GPAM: variants seen among roughly 807,000 people sequenced by gnomAD.
GPAM encodes the protein glycerol-3-phosphate acyltransferase 1, mitochondrial.
A neutral mutation model predicts 105.0 loss-of-function variants in GPAM; 56 were observed. The observed-to-expected ratio is 0.53, with a 90% CI of 0.43 to 0.67. The LOEUF (loss-of-function observed/expected upper bound fraction) is 0.67. Ranked by LOEUF, GPAM falls within the 30% of genes least tolerant of loss-of-function variation. The pLI is 0.00. For missense variants in GPAM, 855 were observed against 989.8 expected (o/e 0.86, Z 1.83); for synonymous variants, 368 against 354.4 (o/e 1.04, Z -0.43).
intron 1 of GPAM, among the ~76,000 whole-genome samples, chr10:112,191,147 AG>A (rs1376056632): frequency 6.6e-6 from 1 of 152,248 alleles, no homozygotes; most frequent in Non-Finnish European, 1.5e-5. Flanking sequence ...AGTTATAACA[AG>A]ACATAGTGTT....
intron 1 of GPAM, among the ~76,000 whole-genome samples, chr10:112,210,709 G>A (rs547395065): frequency 1.3e-5 from 2 of 152,134 alleles, no homozygotes; most frequent in African/African-American, 4.8e-5. Context: ...TCCTTTCATC[G>A]CCCTCTGCAA....
intron 11 of GPAM, among the ~76,000 whole-genome samples, chr10:112,166,741 A>G (rs1360285837): frequency 6.6e-6 from 1 of 152,236 alleles, no homozygotes; most frequent in African/African-American, 2.4e-5. Context: ...AGTCAATGAA[A>G]AACAAAACAT....
chr10:112,217,147 C>T (rs1001721958), upstream of GPAM, among the ~76,000 whole-genome samples: 1 of 152,254 alleles, frequency 6.6e-6, no homozygotes, highest in South Asian at 2.1e-4. Context: ...TTCCCATTAA[C>T]GATCACCCGC....
intron 17 of GPAM, among the ~76,000 whole-genome samples, chr10:112,159,063 G>A (rs532817240): frequency 6.6e-6 from 1 of 152,252 alleles, no homozygotes; most frequent in African/African-American, 2.4e-5. Context: ...TCTACATGTT[G>A]ATGACTTTGA....
intron 1 of GPAM, among the ~76,000 whole-genome samples, chr10:112,189,192 T>G (rs185866313): frequency 2.0e-5 from 3 of 152,344 alleles, no homozygotes; most frequent in Non-Finnish European, 4.4e-5. Flanking sequence ...AGGAAGTAGT[T>G]TGGCATGAAT....
chr10:112,172,235 G>A lies in GPAM; in HGVS notation c.741C>T (p.Asn247=), dbSNP rs1589591006. Residue 247 remains asparagine (N), a synonymous_variant, in exon 9 of 22, where the codon AAC becomes AAT. Transcript: ENST00000348367. Reference sequence around the variant, plus strand: ...CTGAAGCAATGTATGGTGCTTTGATGTTATGGCAGAAGAGAATGAAAGTGA... The same window carrying A: ...CTGAAGCAATGTATGGTGCTTTGATATTATGGCAGAAGAGAATGAAAGTGA... ...LLLTFILFCH[N]IKAPYIASGN... 4 of 1,607,914 alleles carry A rather than the reference G, an allele frequency of 2.5e-6. No individual in the cohort carries two copies. The highest frequency in any genetic ancestry group is 1.3e-5 in the African/African-American group (1 of 74,806).
At chr10:112,180,405 G>A (rs1847486236) in intron 4 of GPAM, 68 bp downstream of exon 4, 3 of 1,460,558 alleles carry the variant, frequency 2.1e-6, no homozygotes, top group African/African-American at 2.8e-5. Context: ...CAATAAGACT[G>A]CCTACTACAA....
the GPAM span, among the ~76,000 whole-genome samples, chr10:112,220,670 T>C: frequency 0.33 from 49,744 of 151,950 alleles, 9,459 homozygotes; most frequent in African/African-American, 0.52. Flanking sequence ...GGACAATTAC[T>C]TTGCTGCAGC....
At chr10:112,224,339 T>G in the GPAM span, among the ~76,000 whole-genome samples, 17 of 152,226 alleles carry the variant, frequency 1.1e-4, no homozygotes, top group East Asian at 3.1e-3. Context: ...CCCAAAGTGC[T>G]GTTTTCCCAT....
chr10:112,152,370 C>T lies in GPAM; in HGVS notation c.*1180G>A, dbSNP rs1846935050. 3.0e-6 allele frequency: 3 copies of T among 984,334 alleles called. No individual in the cohort carries two copies. Among genetic ancestry groups the T allele is most frequent in the Non-Finnish European group, 3.6e-6 (3 of 828,944 alleles). 61.0% of individuals were successfully genotyped at this position (984,334 alleles called of 1,614,324 possible). A position where few individuals can be genotyped will look rare whatever the true frequency, so the allele number is the denominator to read the frequency against. Reference sequence around the variant, plus strand: ...TTCATAATTATTTACCACTATGTGGCATAAGGGTTTAGGCATATAACCCAT... The same window carrying T: ...TTCATAATTATTTACCACTATGTGGTATAAGGGTTTAGGCATATAACCCAT... On this transcript the variant is annotated 3_prime_UTR_variant, in exon 22 of 22. Coordinates refer to ENST00000348367, the MANE Select transcript of GPAM (RefSeq NM_001244949.2).
chr10:112,181,627 A>T, intron 3 of GPAM, 56 bp downstream of exon 3: 1 of 932,468 alleles, frequency 1.1e-6, no homozygotes, highest in Non-Finnish European at 1.8e-6. Flanking sequence ...CTTCATAAAC[A>T]TCATTGAAAT....
intron 1 of GPAM, among the ~76,000 whole-genome samples, chr10:112,194,650 A>C (rs1847702467): frequency 6.6e-6 from 1 of 152,196 alleles, no homozygotes; most frequent in South Asian, 2.1e-4. Flanking sequence ...GACTCATTCC[A>C]AGCTTTCTAC....
At chr10:112,185,881 G>A (rs1208244854), upstream of GPAM, among the ~76,000 whole-genome samples, 3 of 152,110 alleles carry the variant, frequency 2.0e-5, no homozygotes, top group Non-Finnish European at 4.4e-5. Context: ...TAGAGTATCA[G>A]TGAGCCTAGT....
chr10:112,225,666 T>C, the GPAM span, among the ~76,000 whole-genome samples: 2 of 152,092 alleles, frequency 1.3e-5, no homozygotes, highest in Non-Finnish European at 2.9e-5. Flanking sequence ...CCTCTCCATA[T>C]AAAATGTCAG....
At chr10:112,220,291 T>A (rs1180839229), upstream of GPAM, among the ~76,000 whole-genome samples, 4 of 146,874 alleles carry the variant, frequency 2.7e-5, no homozygotes, top group Non-Finnish European at 4.5e-5. Context: ...ATTTGTGTAA[T>A]AAAATTCCTG....
chr10:112,169,134 C>T (rs1156788312), intron 9 of GPAM, among the ~76,000 whole-genome samples, 182 bp from the exon 10 acceptor site: 2 of 152,166 alleles, frequency 1.3e-5, no homozygotes, highest in South Asian at 2.1e-4. Context: ...CAGTCATTTA[C>T]ATTGTTCATC....
upstream of GPAM, among the ~76,000 whole-genome samples, chr10:112,183,990 C>T (rs752751458): frequency 7.9e-5 from 12 of 152,314 alleles, no homozygotes; most frequent in Non-Finnish European, 1.3e-4. Flanking sequence ...GTGGGTACCT[C>T]ATTCTGCTTT....
chr10:112,189,197 A>C (rs558822127), intron 1 of GPAM, among the ~76,000 whole-genome samples: 1 of 152,326 alleles, frequency 6.6e-6, no homozygotes, highest in African/African-American at 2.4e-5. Flanking sequence ...GTAGTTTGGC[A>C]TGAATTATTC....
At position 112,159,952 on chromosome 10, in the gene GPAM, T is replaced by A. The variant is rs1202091620; in HGVS notation, c.1861A>T (p.Ser621Cys). ...TCATTGGAGAGAAGGTAGCACAGGC[T>A]GGCCGCCTTCCGCACCAGCTGCTCC... ...SQEQLVRKAA[S>C]LCYLLSNEGT... The change falls in exon 17 of 22, where the codon AGC (serine) becomes TGC (cysteine). Residue 621 changes from serine (S) to cysteine (C), a missense_variant. Ser to Cys is a moderately radical substitution (Grantham distance 112). Coordinates refer to ENST00000348367, the MANE Select transcript of GPAM (RefSeq NM_001244949.2). 1.2e-6 allele frequency: 2 copies of A among 1,613,918 alleles called. No homozygotes were observed. Among genetic ancestry groups the A allele is most frequent in the Non-Finnish European group, 1.7e-6 (2 of 1,179,942 alleles).
Sources: allele counts gnomAD v4.1 joint callset (sites outside exome capture counted in the v4.1 genomes callset), GRCh38; gene constraint gnomAD v4.1.1; transcripts MANE v1.5; gene names NCBI Gene and HGNC (gene_info 2026-07-23, HGNC 2026-07-21).